KDM4C: variants seen among roughly 807,000 people sequenced by gnomAD.
The protein encoded by KDM4C is lysine-specific demethylase 4C.
A neutral mutation model predicts 129.3 loss-of-function variants in KDM4C; 81 were observed. The observed-to-expected ratio is 0.63, with a 90% CI of 0.52 to 0.75. KDM4C has a LOEUF of 0.75. KDM4C is among the 30% of genes least tolerant of loss of function. The probability of loss-of-function intolerance (pLI) is 0.00; values close to 1 mark genes in which losing one functional copy is unlikely to be tolerated. For missense variants in KDM4C, 1,457 were observed against 1,304.0 expected (o/e 1.12, Z -1.81); for synonymous variants, 573 against 456.1 (o/e 1.26, Z -3.26).
At chr9:7,053,871 T>C (rs949156469) in intron 17 of KDM4C, among the ~76,000 whole-genome samples, 1 of 152,238 alleles carries the variant, frequency 6.6e-6, no homozygotes, top group South Asian at 2.1e-4. Flanking sequence ...ATGAAAATGC[T>C]AACAAATCTT....
At chr9:6,926,559 C>A (rs116067325) in intron 8 of KDM4C, among the ~76,000 whole-genome samples, 1 of 152,092 alleles carries the variant, frequency 6.6e-6, no homozygotes, top group African/African-American at 2.4e-5. Context: ...AGTGAGAATC[C>A]GCTCTTTCTA....
chr9:7,160,309 C>G (rs1387246485), intron 19 of KDM4C, among the ~76,000 whole-genome samples: 1 of 152,090 alleles, frequency 6.6e-6, no homozygotes, highest in African/African-American at 2.4e-5. Context: ...TTTGTTATTA[C>G]CGACCTTCTG....
At chr9:6,865,876 G>A (rs144847347) in intron 5 of KDM4C, among the ~76,000 whole-genome samples, 2,529 of 151,964 alleles carry the variant, frequency 0.017, 68 homozygotes, top group African/African-American at 0.057. Context: ...TCAGCCTCCC[G>A]AGTAGCTGGG....
At chr9:6,935,195 AT>A (rs1179288686) in intron 8 of KDM4C, among the ~76,000 whole-genome samples, 2 of 151,992 alleles carry the variant, frequency 1.3e-5, no homozygotes, top group Non-Finnish European at 2.9e-5. Context: ...TATCTCAATT[AT>A]TTTTTCCTCT....
chr9:7,145,733 A>C (rs2129989492), intron 19 of KDM4C, among the ~76,000 whole-genome samples: 2 of 152,364 alleles, frequency 1.3e-5, no homozygotes, highest in South Asian at 4.1e-4. Context: ...AAACTGAATA[A>C]ACACACTCTC....
chr9:6,778,229 A>G (rs889410410), intron 1 of KDM4C, among the ~76,000 whole-genome samples: 1 of 151,468 alleles, frequency 6.6e-6, no homozygotes, highest in African/African-American at 2.4e-5. Flanking sequence ...AGCTAGGATT[A>G]CAGGCACCTG....
At chr9:7,031,764 A>C (rs1398296372) in intron 15 of KDM4C, among the ~76,000 whole-genome samples, 1 of 152,218 alleles carries the variant, frequency 6.6e-6, no homozygotes, top group African/African-American at 2.4e-5. Context: ...GTTGCCACTA[A>C]TGCCCTTCAG....
rs115902917 is a variant in KDM4C at position 6,860,581 on chromosome 9, A to G, written c.629+10881A>G. On this transcript the variant is annotated intron_variant, in intron 5 of 21. Transcript: ENST00000381309. ...CCCATGACATGAGTTTACCTGTATA[A>G]CAAACCTTCACATATGCCTGCAATC... 3.5e-3 allele frequency among the ~76,000 whole-genome samples: 536 copies of G among 152,312 alleles called. 3 individuals carry two copies. Among genetic ancestry groups the G allele is most frequent in the African/African-American group, 0.013 (523 of 41,574 alleles).
intron 17 of KDM4C, among the ~76,000 whole-genome samples, chr9:7,050,442 C>CAAAAAAAAAAAAAAAAAA (rs71500910): frequency 2.0e-4 from 16 of 78,232 alleles, no homozygotes; most frequent in Admixed American, 2.9e-4. Context: ...CCCAGATTAC[C>CAAAAAAAAAAAAAAAAAA]AAAAAAAAAA....
chr9:6,756,011 C>G (rs753912499), upstream of KDM4C, among the ~76,000 whole-genome samples: 1 of 152,190 alleles, frequency 6.6e-6, no homozygotes, highest in Non-Finnish European at 1.5e-5. Flanking sequence ...AAGTCATACT[C>G]TAATTCACAA....
intron 1 of KDM4C, among the ~76,000 whole-genome samples, chr9:6,764,902 T>C (rs963441433): frequency 1.3e-5 from 2 of 152,236 alleles, no homozygotes; most frequent in Non-Finnish European, 2.9e-5. Context: ...GAATTTCTCC[T>C]GCATCTCATC....
At position 6,808,708 on chromosome 9, in the gene KDM4C, A is replaced by G. The variant is rs74577122; in HGVS notation, c.320+2934A>G. Among the ~76,000 whole-genome samples the G allele has an allele frequency of 1.0e-3, 153 of 151,432 alleles. 1 individual carries two copies. The East Asian group carries it at 0.025, about 25-fold the overall frequency. ...TTATCAATAAAAAAAAAAAAAAAAA[A>G]AAGAAGTGGCACACTGTTACATCTG... On this transcript the variant is annotated intron_variant, in intron 3 of 21. Coordinates refer to ENST00000381309, the MANE Select transcript of KDM4C (RefSeq NM_015061.6).
rs549828891 is a variant in KDM4C at position 6,997,485 on chromosome 9, T to C, written c.1786+6961T>C. 3.3e-5 allele frequency among the ~76,000 whole-genome samples: 5 copies of C among 152,324 alleles called. No individual in the cohort carries two copies. The East Asian group carries it at 5.8e-4, about 18-fold the overall frequency. ...TAGAAGAGAAAGTTATTCTAAGAAT[T>C]CCTACCCATGTGGTCAAGTTTATAC... On this transcript the variant is annotated intron_variant, in intron 12 of 21. Transcript: ENST00000381309.
At chr9:7,169,767 ATATG>A in intron 20 of KDM4C, 27 bp from the exon 21 acceptor site, 1 of 1,551,968 alleles carries the variant, frequency 6.4e-7, no homozygotes, top group Non-Finnish European at 8.8e-7. Context: ...TGTTTTTTTA[ATATG>A]TATCATGTTA....
At chr9:6,853,246 G>A (rs1839178591) in intron 5 of KDM4C, among the ~76,000 whole-genome samples, 1 of 152,116 alleles carries the variant, frequency 6.6e-6, no homozygotes, top group South Asian at 2.1e-4. Flanking sequence ...CCAGCACTTT[G>A]GGAGGCCAAG....
At chr9:6,935,026 CA>C (rs1435280403) in intron 8 of KDM4C, among the ~76,000 whole-genome samples, 1 of 151,822 alleles carries the variant, frequency 6.6e-6, no homozygotes, top group Non-Finnish European at 1.5e-5. Flanking sequence ...TTAAATATTA[CA>C]ACGGCTAAAC....
chr9:6,860,662 T>A (rs568131861), intron 5 of KDM4C, among the ~76,000 whole-genome samples: 1 of 152,310 alleles, frequency 6.6e-6, no homozygotes, highest in African/African-American at 2.4e-5. Context: ...AGAAGAGACA[T>A]AGAGTCTGAG....
intron 4 of KDM4C, among the ~76,000 whole-genome samples, chr9:6,845,389 A>T (rs1041785779): frequency 2.6e-5 from 4 of 151,968 alleles, no homozygotes; most frequent in African/African-American, 4.8e-5. Context: ...TAATTTTAAA[A>T]TTTTTTGTAG....
At chr9:7,002,727 G>C (rs1341732719) in intron 12 of KDM4C, among the ~76,000 whole-genome samples, 1 of 152,120 alleles carries the variant, frequency 6.6e-6, no homozygotes, top group Non-Finnish European at 1.5e-5. Context: ...AATTATTTTA[G>C]ATGATGCTAG....
Sources: gnomAD v4.1 joint callset for allele counts (sites outside exome capture counted in the v4.1 genomes callset) on GRCh38, gnomAD v4.1.1 for gene constraint, MANE v1.5 for transcripts, NCBI Gene and HGNC (gene_info 2026-07-23, HGNC 2026-07-21) for gene names.